Variants in GRM5 observed in about 807,000 individuals in gnomAD.
GRM5 encodes metabotropic glutamate receptor 5.
A neutral mutation model predicts 83.1 loss-of-function variants in GRM5; 19 were observed. The observed-to-expected ratio is 0.23, with a 90% CI of 0.16 to 0.34. The LOEUF (loss-of-function observed/expected upper bound fraction) is 0.34. Ranked by LOEUF, GRM5 falls within the 10% of genes least tolerant of loss-of-function variation. The probability of loss-of-function intolerance (pLI) is 1.00; values close to 1 mark genes in which losing one functional copy is unlikely to be tolerated. For missense variants in GRM5, 1,160 were observed against 1,588.3 expected, an observed-to-expected ratio of 0.73 and a Z score of 4.58; for synonymous variants, 675 against 633.6, an observed-to-expected ratio of 1.07 and a Z score of -0.98.
At chr11:88,680,315 ATGAG>A (rs1940447255) in intron 3 of GRM5, among the ~76,000 whole-genome samples, 1 of 151,640 alleles carries the variant, frequency 6.6e-6, no homozygotes, top group South Asian at 2.1e-4. Flanking sequence ...ATTCCCACCT[ATGAG>A]TGAGAACACG....
chr11:88,658,775 G>C (rs886819077), intron 3 of GRM5, among the ~76,000 whole-genome samples: 1 of 152,148 alleles, frequency 6.6e-6, no homozygotes, highest in South Asian at 2.1e-4. Flanking sequence ...TCAAGGAATA[G>C]TGAATATGGA....
chr11:88,998,090 A>T (rs1158147531), intron 2 of GRM5, among the ~76,000 whole-genome samples: 1 of 150,942 alleles, frequency 6.6e-6, no homozygotes, highest in Non-Finnish European at 1.5e-5. Flanking sequence ...AAAGAGAGAG[A>T]GAGGAGAAGC....
chr11:88,772,662 A>C (rs1942764861), intron 3 of GRM5, among the ~76,000 whole-genome samples: 2 of 151,796 alleles, frequency 1.3e-5, no homozygotes, highest in African/African-American at 4.8e-5. Flanking sequence ...AAGTGATCTC[A>C]CTGTTCAATT....
intron 3 of GRM5, among the ~76,000 whole-genome samples, chr11:88,737,809 A>G (rs1372364894): frequency 6.6e-6 from 1 of 152,084 alleles, no homozygotes; most frequent in African/African-American, 2.4e-5. Flanking sequence ...ATCCATTTAA[A>G]CAGATTTAAA....
At chr11:88,736,407 A>G (rs1187307047) in intron 3 of GRM5, among the ~76,000 whole-genome samples, 1 of 151,986 alleles carries the variant, frequency 6.6e-6, no homozygotes, top group Non-Finnish European at 1.5e-5. Context: ...TTTTCTCCCA[A>G]ATTTTTGTAT....
At chr11:88,911,356 A>G (rs2060143504) in intron 2 of GRM5, among the ~76,000 whole-genome samples, 1 of 152,098 alleles carries the variant, frequency 6.6e-6, no homozygotes, top group African/African-American at 2.4e-5. Flanking sequence ...TTATTCATCT[A>G]TCCTGTGTTT....
At chr11:89,051,781 C>A (rs1174744711) in intron 1 of GRM5, among the ~76,000 whole-genome samples, 1 of 152,160 alleles carries the variant, frequency 6.6e-6, no homozygotes, top group Non-Finnish European at 1.5e-5. Context: ...ATGACTGGAA[C>A]AATTCAATCT....
At chr11:88,883,732 G>A (rs1944997400) in intron 2 of GRM5, among the ~76,000 whole-genome samples, 1 of 152,086 alleles carries the variant, frequency 6.6e-6, no homozygotes, top group African/African-American at 2.4e-5. Flanking sequence ...GAAAAAAATG[G>A]TTTAATGGGC....
rs192740567 is a variant in GRM5 at position 88,904,808 on chromosome 11, T to C, written c.662-54653A>G. 3.8e-3 allele frequency among the ~76,000 whole-genome samples: 579 copies of C among 152,338 alleles called. 2 individuals are homozygous for C. The highest frequency in any genetic ancestry group is 0.018 in the South Asian group (85 of 4,828). ...TATTCACAGGTTTACACAGTTAGAA[T>C]GTGTACTTATCATTGTAGGGAATAC... On this transcript the variant is annotated intron_variant, in intron 2 of 9. Coordinates refer to ENST00000305447, the MANE Select transcript of GRM5 (RefSeq NM_001143831.3).
In GRM5 at chr11:88,875,209, G is replaced by A. The variant is rs1053459826; in HGVS notation, c.662-25054C>T. On this transcript the variant is annotated intron_variant, in intron 2 of 9. Transcript: ENST00000305447. ...AACCCTGCTGCTGCTTTATTAACTAGATTTAGGTAATTTTCTAAATCATTC... is the reference window on the plus strand; with the variant it reads ...AACCCTGCTGCTGCTTTATTAACTAAATTTAGGTAATTTTCTAAATCATTC... Among the ~76,000 whole-genome samples the A allele has an allele frequency of 1.3e-4, 19 of 151,860 alleles. 1 individual carries two copies. The highest frequency in any genetic ancestry group is 4.6e-4 in the African/African-American group (19 of 41,438).
intron 2 of GRM5, among the ~76,000 whole-genome samples, chr11:89,021,145 G>T (rs556867394): frequency 6.6e-6 from 1 of 151,878 alleles, no homozygotes; most frequent in South Asian, 2.1e-4. Flanking sequence ...TGAAGCTAAT[G>T]AAAAAAAGAA....
At position 89,047,132 on chromosome 11, in the gene GRM5, T is replaced by C. The variant is rs1033259307; in HGVS notation, c.661+80A>G. 5.7e-6 allele frequency: 6 copies of C among 1,049,792 alleles called. No homozygotes were observed. The African/African-American group carries it at 6.4e-5, about 11-fold the overall frequency. The allele number at this position is 1,049,792 out of a possible 1,614,324, so 65.0% of individuals were successfully genotyped here. A position where few individuals can be genotyped will look rare whatever the true frequency, so the allele number is the denominator to read the frequency against. On this transcript the variant is annotated intron_variant, in intron 2 of 9. Coordinates refer to ENST00000305447, the MANE Select transcript of GRM5 (RefSeq NM_001143831.3). The surrounding 1 kb of genome is among the most constrained non-coding windows in gnomAD (Gnocchi z 5.1). ...TCAAAATATCCAAAATAATTAGGAATAGTTTACTCTTCCCAAACCTGAAAT... is the reference window on the plus strand; with the variant it reads ...TCAAAATATCCAAAATAATTAGGAACAGTTTACTCTTCCCAAACCTGAAAT...
At chr11:88,844,204 A>G (rs1222497175) in intron 3 of GRM5, among the ~76,000 whole-genome samples, 1 of 152,174 alleles carries the variant, frequency 6.6e-6, no homozygotes, top group Non-Finnish European at 1.5e-5. Context: ...GTGGAAGCCA[A>G]CAATCATTTC....
At position 88,911,756 on chromosome 11, in the gene GRM5, T is replaced by A. The variant is rs202073642; in HGVS notation, c.662-61601A>T. Among the ~76,000 whole-genome samples, 77 of 152,148 alleles carry A rather than the reference T, an allele frequency of 5.1e-4. 1 individual carries two copies. In the East Asian group the frequency reaches 0.014, roughly 28 times the overall value. ...TTGCCTCAGAAGCTAAAATTGGAGA[T>A]GAGGGGGAAGTAAATTAGTAGGGCT... On this transcript the variant is annotated intron_variant, in intron 2 of 9. Coordinates refer to ENST00000305447, the MANE Select transcript of GRM5 (RefSeq NM_001143831.3).
chr11:88,700,963 CAATT>C (rs1941019547), intron 3 of GRM5, among the ~76,000 whole-genome samples: 1 of 152,258 alleles, frequency 6.6e-6, no homozygotes, highest in East Asian at 1.9e-4. Context: ...AGCAATAAGA[CAATT>C]GATATATGAG....
At chr11:88,649,251 T>C (rs1200340142) in intron 4 of GRM5, among the ~76,000 whole-genome samples, 4 of 120,816 alleles carry the variant, frequency 3.3e-5, no homozygotes, top group Non-Finnish European at 6.6e-5. Flanking sequence ...ATCACACACA[T>C]ATGTATTACA....
chr11:88,703,516 T>C (rs1279969738), intron 3 of GRM5, among the ~76,000 whole-genome samples: 1 of 152,028 alleles, frequency 6.6e-6, no homozygotes, highest in Non-Finnish European at 1.5e-5. Flanking sequence ...GTTGGGCAAA[T>C]GACAAGCAAT....
intron 2 of GRM5, among the ~76,000 whole-genome samples, chr11:89,008,462 A>C (rs925132988): frequency 2.0e-4 from 31 of 152,214 alleles, no homozygotes; most frequent in Non-Finnish European, 4.3e-4. Context: ...TATGCATCTA[A>C]AATGTTATTC....
chr11:88,968,467 G>A (rs768722309), intron 2 of GRM5, among the ~76,000 whole-genome samples: 3 of 152,112 alleles, frequency 2.0e-5, no homozygotes, highest in Non-Finnish European at 4.4e-5. Context: ...AGGATTACTT[G>A]AAGCTGGAAG....
Sources: allele counts gnomAD v4.1 joint callset (sites outside exome capture counted in the v4.1 genomes callset), GRCh38; gene constraint gnomAD v4.1.1; non-coding constraint Gnocchi (gnomAD v3.1); transcripts MANE v1.5; gene names NCBI Gene and HGNC (gene_info 2026-07-23, HGNC 2026-07-21).